KLHL1: variants seen among roughly 807,000 people sequenced by gnomAD.
KLHL1 encodes kelch like family member 1.
A neutral mutation model predicts 77.7 loss-of-function variants in KLHL1; 47 were observed. That is an observed-to-expected ratio of 0.60 (90% CI 0.48 to 0.77). The LOEUF is 0.77. Ranked by LOEUF, KLHL1 falls within the 30% of genes least tolerant of loss-of-function variation. The pLI is 0.00. For synonymous variants in KLHL1, 360 were observed against 325.2 expected, an observed-to-expected ratio of 1.11 and a Z score of -1.15; for missense variants, 925 against 910.8, an observed-to-expected ratio of 1.02 and a Z score of -0.20.
chr13:69,930,971 T>C (rs891439764), intron 4 of KLHL1, among the ~76,000 whole-genome samples: 7 of 151,652 alleles, frequency 4.6e-5, no homozygotes. Context: ...ATATATAATA[T>C]TTACTTGTAA....
intron 1 of KLHL1, among the ~76,000 whole-genome samples, chr13:70,051,681 T>C (rs1309422887): frequency 6.6e-6 from 1 of 152,044 alleles, no homozygotes; most frequent in Non-Finnish European, 1.5e-5. Context: ...ATAAAGCAGC[T>C]GCAGGAACAT....
intron 4 of KLHL1, among the ~76,000 whole-genome samples, chr13:69,901,965 T>G (rs113962649): frequency 6.6e-6 from 1 of 152,012 alleles, no homozygotes; most frequent in Admixed American, 6.6e-5. Flanking sequence ...GCTCAGCTAA[T>G]TTTTTTGTAT....
chr13:70,081,307 G>GT (rs1253862789), intron 1 of KLHL1, among the ~76,000 whole-genome samples: 1 of 152,090 alleles, frequency 6.6e-6, no homozygotes, highest in Non-Finnish European at 1.5e-5. Flanking sequence ...TATATCTCGG[G>GT]TTTTTTTAAG....
At chr13:69,717,396 T>C (rs1276700283) in intron 9 of KLHL1, among the ~76,000 whole-genome samples, 1 of 152,172 alleles carries the variant, frequency 6.6e-6, no homozygotes, top group Non-Finnish European at 1.5e-5. Context: ...AAAAGTGCTA[T>C]TAATCTGATG....
At chr13:70,037,063 C>G (rs754473015) in intron 1 of KLHL1, among the ~76,000 whole-genome samples, 2 of 151,844 alleles carry the variant, frequency 1.3e-5, no homozygotes, top group African/African-American at 2.4e-5. Flanking sequence ...TGAGTATAAC[C>G]TTAGGGTATT....
intron 7 of KLHL1, among the ~76,000 whole-genome samples, chr13:69,772,852 G>A (rs1200059181): frequency 6.6e-6 from 1 of 152,102 alleles, no homozygotes; most frequent in Non-Finnish European, 1.5e-5. Flanking sequence ...ACATCAATAT[G>A]AGATAACCTT....
intron 1 of KLHL1, among the ~76,000 whole-genome samples, chr13:70,077,348 A>G (rs1887289334): frequency 6.6e-6 from 1 of 151,894 alleles, no homozygotes; most frequent in Non-Finnish European, 1.5e-5. Flanking sequence ...TAAATGAAAT[A>G]AGCTGGTCCA....
intron 1 of KLHL1, among the ~76,000 whole-genome samples, chr13:70,032,083 A>C (rs1361061912): frequency 2.0e-5 from 3 of 152,164 alleles, no homozygotes; most frequent in Non-Finnish European, 4.4e-5. Flanking sequence ...CCAGTCTGCA[A>C]ATTATGGATA....
At chr13:69,966,534 T>C (rs1354824986) in intron 2 of KLHL1, among the ~76,000 whole-genome samples, 1 of 152,216 alleles carries the variant, frequency 6.6e-6, no homozygotes, top group Non-Finnish European at 1.5e-5. Context: ...ACACATCCAT[T>C]GTACAGCTCA....
intron 4 of KLHL1, among the ~76,000 whole-genome samples, chr13:69,929,543 G>A (rs866272852): frequency 2.0e-5 from 3 of 151,766 alleles, no homozygotes; most frequent in African/African-American, 7.2e-5. Flanking sequence ...GAATTACTTG[G>A]ATTACTTATG....
chr13:69,934,509 T>C (rs1332317345), intron 4 of KLHL1, among the ~76,000 whole-genome samples: 1 of 152,082 alleles, frequency 6.6e-6, no homozygotes, highest in Non-Finnish European at 1.5e-5. Flanking sequence ...CTAATCTCTA[T>C]TCTTAGTTTC....
chr13:69,782,261 A>T, intron 7 of KLHL1, among the ~76,000 whole-genome samples: 1 of 152,226 alleles, frequency 6.6e-6, no homozygotes, highest in Non-Finnish European at 1.5e-5. Context: ...TGCTTTCTGC[A>T]TTTCCATCTG....
chr13:69,904,377 G>A (rs1216537357), intron 4 of KLHL1, among the ~76,000 whole-genome samples: 2 of 152,052 alleles, frequency 1.3e-5, no homozygotes, highest in East Asian at 3.9e-4. Context: ...AGATTTCTAT[G>A]GTGCAAATCC....
At chr13:69,906,227 G>A (rs1882041017) in intron 4 of KLHL1, among the ~76,000 whole-genome samples, 1 of 152,024 alleles carries the variant, frequency 6.6e-6, no homozygotes, top group Non-Finnish European at 1.5e-5. Context: ...CAGAAGTGAA[G>A]CTATTTCTGT....
chr13:69,802,412 A>G lies in KLHL1; in HGVS notation c.1415-5450T>C, dbSNP rs555429308. Among the ~76,000 whole-genome samples the G allele has an allele frequency of 2.8e-4, 43 of 152,156 alleles. No individual in the cohort carries two copies. The East Asian group carries it at 7.4e-3, about 26-fold the overall frequency. On this transcript the variant is annotated intron_variant, in intron 6 of 10. Coordinates refer to ENST00000377844, the MANE Select transcript of KLHL1 (RefSeq NM_020866.3). ...CTCCCACTATTGAGTGAGATTCTCAAAGTATGGGGGATAAGGGAGGAGACC... is the reference window on the plus strand; with the variant it reads ...CTCCCACTATTGAGTGAGATTCTCAGAGTATGGGGGATAAGGGAGGAGACC...
intron 2 of KLHL1, among the ~76,000 whole-genome samples, chr13:69,973,853 T>C (rs2137289219): frequency 6.6e-6 from 1 of 152,150 alleles, no homozygotes; most frequent in South Asian, 2.1e-4. Flanking sequence ...TGGGAGGTCA[T>C]TAGGCTGAGA....
intron 1 of KLHL1, among the ~76,000 whole-genome samples, chr13:70,094,377 T>G (rs1887737909): frequency 8.1e-6 from 1 of 123,172 alleles, no homozygotes; most frequent in South Asian, 2.4e-4. Context: ...ATGAAACAAA[T>G]ACAATGCAAT....
At chr13:70,068,213 C>T (rs1252575544) in intron 1 of KLHL1, among the ~76,000 whole-genome samples, 1 of 151,834 alleles carries the variant, frequency 6.6e-6, no homozygotes, top group Non-Finnish European at 1.5e-5. Flanking sequence ...TGGTGGCGGG[C>T]GCCTGTAGTC....
intron 1 of KLHL1, among the ~76,000 whole-genome samples, chr13:70,016,123 T>C (rs555749238): frequency 1.3e-5 from 2 of 152,360 alleles, no homozygotes; most frequent in South Asian, 4.1e-4. Context: ...CTCAAAAACA[T>C]AGGCCAGTAC....
Sources: gnomAD v4.1 joint callset for allele counts (sites outside exome capture counted in the v4.1 genomes callset) on GRCh38, gnomAD v4.1.1 for gene constraint, MANE v1.5 for transcripts, NCBI Gene and HGNC (gene_info 2026-07-23, HGNC 2026-07-21) for gene names.